The following SNTG1 variants were observed in gnomAD, a reference collection of about 807,000 sequenced individuals.
SNTG1 encodes the protein gamma-1-syntrophin.
Under a neutral mutation model 74.7 loss-of-function variants are expected in SNTG1, and 39 were observed. The ratio of observed to expected loss-of-function variants is 0.52; its 90% CI spans 0.40 to 0.68. SNTG1 has a LOEUF of 0.68. Among genes scored for constraint, SNTG1 ranks in the 30% least tolerant of loss-of-function variants. The pLI is 0.00. For missense variants in SNTG1, 685 were observed against 609.5 expected, an observed-to-expected ratio of 1.12 and a Z score of -1.30; for synonymous variants, 254 against 217.1, an observed-to-expected ratio of 1.17 and a Z score of -1.49.
At chr8:50,417,476 C>T (rs1030358909) in intron 4 of SNTG1, among the ~76,000 whole-genome samples, 13 of 152,106 alleles carry the variant, frequency 8.5e-5, no homozygotes, top group African/African-American at 3.1e-4. Context: ...TTATAATATT[C>T]CATGGCTTGC....
chr8:50,533,888 G>T (rs889325404), intron 10 of SNTG1, among the ~76,000 whole-genome samples: 1 of 152,266 alleles, frequency 6.6e-6, no homozygotes, highest in Non-Finnish European at 1.5e-5. Flanking sequence ...GATAAGATTT[G>T]TAAAACCTAC....
At chr8:50,435,958 G>A (rs528842072) in intron 4 of SNTG1, among the ~76,000 whole-genome samples, 1 of 152,286 alleles carries the variant, frequency 6.6e-6, no homozygotes, top group African/African-American at 2.4e-5. Context: ...AACGGTTTTT[G>A]AGGACCCTGC....
chr8:50,362,030 C>T (rs2091974013), intron 2 of SNTG1, among the ~76,000 whole-genome samples: 1 of 152,160 alleles, frequency 6.6e-6, no homozygotes. Context: ...CTCTATGTAG[C>T]ACCTGTCTGT....
chr8:50,750,927 T>C (rs1226145445), intron 17 of SNTG1, among the ~76,000 whole-genome samples: 2 of 151,968 alleles, frequency 1.3e-5, no homozygotes, highest in East Asian at 1.9e-4. Context: ...TATGCCCGTA[T>C]ATGCTTTTAT....
intron 17 of SNTG1, among the ~76,000 whole-genome samples, chr8:50,741,503 A>G (rs2095543337): frequency 6.6e-6 from 1 of 152,192 alleles, no homozygotes; most frequent in Admixed American, 6.6e-5. Flanking sequence ...ACATACTGTT[A>G]CCATCCAAAT....
At position 50,139,468 on chromosome 8, in the gene SNTG1, T is replaced by C. The variant is rs370946279; in HGVS notation, c.-102-33093T>C. Among the ~76,000 whole-genome samples, 6 of 152,316 alleles carry C rather than the reference T, an allele frequency of 3.9e-5. No individual in the cohort carries two copies. The East Asian group carries it at 9.6e-4, about 24-fold the overall frequency. The stretch of plus-strand genomic sequence containing the variant: ...TAGCACTCCCAGAAGAGCTGCAATA[T>C]GTAAGACGGTGTCATTAACCTAGAA... On this transcript the variant is annotated intron_variant, in intron 1 of 18. Transcript: ENST00000642720.
chr8:50,020,530 T>C (rs1413612684), intron 1 of SNTG1, among the ~76,000 whole-genome samples: 2 of 152,216 alleles, frequency 1.3e-5, no homozygotes, highest in Non-Finnish European at 2.9e-5. Flanking sequence ...AAATATATTT[T>C]ATCTGTAAAA....
In SNTG1 at chr8:50,130,587, C is replaced by T. The variant is rs191089089; in HGVS notation, c.-102-41974C>T. Reference sequence around the variant, plus strand: ...GAATGCAAATACCAGCTTGCCTTTCCTGCGTTCACACTTTTACTTATAAAA... The same window carrying T: ...GAATGCAAATACCAGCTTGCCTTTCTTGCGTTCACACTTTTACTTATAAAA... On this transcript the variant is annotated intron_variant, in intron 1 of 18. Transcript: ENST00000642720. Among the ~76,000 whole-genome samples the T allele has an allele frequency of 2.7e-4, 41 of 152,156 alleles. No homozygotes were observed. In the East Asian group the frequency reaches 7.7e-3, roughly 29 times the overall value.
rs577025463 is a variant in SNTG1, at chr8:50,118,120, C to T, written c.-102-54441C>T. ...TGATAATAAAAAATAAGGCTGCATA[C>T]CAGCCACTTGGGAATATGATTTGTT... On this transcript the variant is annotated intron_variant, in intron 1 of 18. Coordinates refer to ENST00000642720, the MANE Select transcript of SNTG1 (RefSeq NM_018967.5). Among the ~76,000 whole-genome samples the T allele has an allele frequency of 3.3e-5, 5 of 152,234 alleles. No homozygotes were observed. The South Asian group carries it at 1.0e-3, about 32-fold the overall frequency.
rs577556994 is a variant in SNTG1 at position 50,462,483 on chromosome 8, A to G, written c.363+11754A>G. Among the ~76,000 whole-genome samples, 8 of 150,060 alleles carry G rather than the reference A, an allele frequency of 5.3e-5. No individual in the cohort carries two copies. In the East Asian group the frequency reaches 6.0e-4, roughly 11 times the overall value. ...TGGGGCAATTTCTTAAAATAGAACA[A>G]TGAAATTTGCCACATCTATTGGCTC... On this transcript the variant is annotated intron_variant, in intron 8 of 18. Coordinates refer to ENST00000642720, the MANE Select transcript of SNTG1 (RefSeq NM_018967.5).
intron 1 of SNTG1, among the ~76,000 whole-genome samples, chr8:50,113,573 A>T (rs1386595896): frequency 2.6e-5 from 4 of 152,030 alleles, no homozygotes; most frequent in African/African-American, 9.7e-5. Flanking sequence ...AATACCCTTT[A>T]TTTCTTTCTC....
At chr8:50,230,307 T>G (rs747113811) in intron 2 of SNTG1, among the ~76,000 whole-genome samples, 2 of 46,640 alleles carry the variant, frequency 4.3e-5, no homozygotes, top group Non-Finnish European at 6.7e-5. Context: ...GACAAATCTC[T>G]AAAAAGATTG....
intron 2 of SNTG1, among the ~76,000 whole-genome samples, chr8:50,299,309 C>G (rs1019328248): frequency 6.6e-6 from 1 of 152,088 alleles, no homozygotes; most frequent in Non-Finnish European, 1.5e-5. Context: ...CCTGTCTCCT[C>G]TTTCTCCTTC....
intron 2 of SNTG1, among the ~76,000 whole-genome samples, chr8:50,265,945 T>A (rs1024328576): frequency 4.0e-4 from 61 of 151,750 alleles, no homozygotes; most frequent in Non-Finnish European, 8.8e-5. Context: ...TTAAGAAACC[T>A]AAATGAATAG....
chr8:50,557,722 C>T (rs977748658), intron 12 of SNTG1, among the ~76,000 whole-genome samples: 1 of 152,222 alleles, frequency 6.6e-6, no homozygotes, highest in Non-Finnish European at 1.5e-5. Flanking sequence ...TGCAAGGACC[C>T]TTTATCTGGT....
intron 15 of SNTG1, among the ~76,000 whole-genome samples, chr8:50,692,140 A>G (rs2095383203): frequency 6.6e-6 from 1 of 151,916 alleles, no homozygotes; most frequent in Non-Finnish European, 1.5e-5. Flanking sequence ...TCTTCTAGTT[A>G]TCCATTTGTC....
At chr8:50,039,644 A>AT (rs935740005) in intron 1 of SNTG1, among the ~76,000 whole-genome samples, 55 of 151,544 alleles carry the variant, frequency 3.6e-4, no homozygotes, top group Admixed American at 5.3e-4. Context: ...AATGATTTAC[A>AT]TTTTTTTTGC....
At chr8:50,251,953 A>G (rs2086664926) in intron 2 of SNTG1, among the ~76,000 whole-genome samples, 1 of 152,264 alleles carries the variant, frequency 6.6e-6, no homozygotes, top group East Asian at 1.9e-4. Flanking sequence ...GGTAGATTAC[A>G]TATTAGGCCA....
chr8:50,445,267 C>A (rs996793058), intron 5 of SNTG1, among the ~76,000 whole-genome samples: 12 of 152,186 alleles, frequency 7.9e-5, no homozygotes, highest in African/African-American at 2.9e-4. Flanking sequence ...CTGTAGTTGT[C>A]CATTGCAGCT....
Sources: gnomAD v4.1 joint callset for allele counts (sites outside exome capture counted in the v4.1 genomes callset) on GRCh38, gnomAD v4.1.1 for gene constraint, MANE v1.5 for transcripts, NCBI Gene and HGNC (gene_info 2026-07-23, HGNC 2026-07-21) for gene names.